The following ANTXR1 variants were observed in gnomAD, a reference collection of about 807,000 sequenced individuals.
The protein encoded by ANTXR1 is ANTXR cell adhesion molecule 1, also known as anthrax toxin receptor 1.
In ANTXR1, 19 loss-of-function variants were observed where a neutral mutation model predicts 78.1. That is an observed-to-expected ratio of 0.24 (90% CI 0.17 to 0.36). The LOEUF (loss-of-function observed/expected upper bound fraction) is 0.36, where lower values mean the gene tolerates loss of function less well. Among genes scored for constraint, ANTXR1 ranks in the 10% least tolerant of loss-of-function variants. The pLI is 1.00. For missense variants in ANTXR1, 518 were observed against 718.6 expected (o/e 0.72, Z 3.19); for synonymous variants, 273 against 260.5 (o/e 1.05, Z -0.46).
chr2:69,050,184 G>C, intron 3 of ANTXR1, among the ~76,000 whole-genome samples: 1 of 152,042 alleles, frequency 6.6e-6, no homozygotes, highest in Non-Finnish European at 1.5e-5. Context: ...TGTGGTCCCA[G>C]CTACTCAGGA....
At chr2:69,213,291 A>G (rs1675092730) in intron 17 of ANTXR1, among the ~76,000 whole-genome samples, 1 of 152,136 alleles carries the variant, frequency 6.6e-6, no homozygotes, top group Non-Finnish European at 1.5e-5. Flanking sequence ...CACTCACTAC[A>G]TGGACCATCT....
intron 3 of ANTXR1, among the ~76,000 whole-genome samples, chr2:69,057,996 C>G (rs1034534378): frequency 6.6e-6 from 1 of 152,144 alleles, no homozygotes; most frequent in Non-Finnish European, 1.5e-5. Flanking sequence ...AAGCCTAATG[C>G]AAAGTAAAGC....
At chr2:69,233,424 A>G (rs1675675975) in intron 17 of ANTXR1, among the ~76,000 whole-genome samples, 2 of 151,868 alleles carry the variant, frequency 1.3e-5, no homozygotes, top group Non-Finnish European at 2.9e-5. Context: ...GATAATTTTT[A>G]TTAGAAAAAA....
At chr2:69,173,944 C>T (rs1212290219) in intron 14 of ANTXR1, among the ~76,000 whole-genome samples, 2 of 152,208 alleles carry the variant, frequency 1.3e-5, no homozygotes, top group Admixed American at 6.5e-5. Flanking sequence ...CTGCCTTGGC[C>T]AGACCTGGGC....
intron 17 of ANTXR1, among the ~76,000 whole-genome samples, chr2:69,213,943 G>T (rs556297745): frequency 6.6e-6 from 1 of 152,388 alleles, no homozygotes; most frequent in South Asian, 2.1e-4. Context: ...ATGGGCCAGT[G>T]TGGGGCATGG....
At chr2:69,123,494 T>C (rs1381918573) in intron 11 of ANTXR1, among the ~76,000 whole-genome samples, 1 of 152,126 alleles carries the variant, frequency 6.6e-6, no homozygotes, top group Non-Finnish European at 1.5e-5. Context: ...CGCTAGATAA[T>C]TGTTATCTCC....
intron 17 of ANTXR1, among the ~76,000 whole-genome samples, chr2:69,239,575 T>G (rs568115295): frequency 6.6e-6 from 1 of 152,212 alleles, no homozygotes; most frequent in Admixed American, 6.5e-5. Context: ...TTGATGGAAT[T>G]ATAGAATATT....
chr2:69,093,480 A>C (rs889114040), intron 9 of ANTXR1, among the ~76,000 whole-genome samples: 5 of 152,262 alleles, frequency 3.3e-5, no homozygotes, highest in African/African-American at 1.2e-4. Flanking sequence ...CAATAAAAAC[A>C]CCACAAAAAC....
chr2:69,184,181 A>C (rs1365208388), intron 16 of ANTXR1, among the ~76,000 whole-genome samples: 3 of 152,238 alleles, frequency 2.0e-5, no homozygotes, highest in Non-Finnish European at 4.4e-5. Flanking sequence ...AATCAAAAGA[A>C]GTACCATTTC....
intron 17 of ANTXR1, among the ~76,000 whole-genome samples, chr2:69,195,566 G>A (rs973887728): frequency 2.6e-5 from 4 of 152,126 alleles, no homozygotes; most frequent in African/African-American, 7.2e-5. Flanking sequence ...ATCACATATG[G>A]AATTTGAGCT....
At chr2:69,095,402 A>G (rs1412912411) in intron 9 of ANTXR1, among the ~76,000 whole-genome samples, 1 of 152,218 alleles carries the variant, frequency 6.6e-6, no homozygotes, top group East Asian at 1.9e-4. Context: ...CAAATAAATT[A>G]CAAAACCACG....
intron 17 of ANTXR1, among the ~76,000 whole-genome samples, chr2:69,216,752 A>G (rs1011262544): frequency 1.3e-5 from 2 of 152,176 alleles, no homozygotes; most frequent in African/African-American, 4.8e-5. Context: ...AAATGTTTGC[A>G]AATCAAAGAA....
At chr2:69,182,225 A>T (rs940122769) in intron 15 of ANTXR1, among the ~76,000 whole-genome samples, 6 of 152,074 alleles carry the variant, frequency 3.9e-5, no homozygotes, top group African/African-American at 1.4e-4. Flanking sequence ...CAAAGTTCGT[A>T]CCTGAACCTG....
chr2:69,103,999 C>CACGATCTCAGCTCACTGCA (rs1671721252), intron 10 of ANTXR1, among the ~76,000 whole-genome samples: 1 of 147,474 alleles, frequency 6.8e-6, no homozygotes, highest in Non-Finnish European at 1.5e-5. Flanking sequence ...AGTACAATGG[C>CACGATCTCAGCTCACTGCA]ACGATCTCAG....
intron 16 of ANTXR1, among the ~76,000 whole-genome samples, chr2:69,187,924 A>G (rs1261329190): frequency 1.3e-5 from 2 of 150,988 alleles, no homozygotes; most frequent in Admixed American, 6.6e-5. Flanking sequence ...GTCAGGTGTC[A>G]GTTTATAGTG....
chr2:69,230,082 G>T (rs932258706), intron 17 of ANTXR1, among the ~76,000 whole-genome samples: 1 of 152,084 alleles, frequency 6.6e-6, no homozygotes, highest in Non-Finnish European at 1.5e-5. Flanking sequence ...CCCTTTGAAA[G>T]GTTTGAATTC....
intron 12 of ANTXR1, among the ~76,000 whole-genome samples, chr2:69,139,307 T>G (rs550017264): frequency 6.6e-6 from 1 of 152,340 alleles, no homozygotes; most frequent in South Asian, 2.1e-4. Flanking sequence ...TAACTCCCTC[T>G]GCTCTGAGCT....
chr2:69,029,098 G>A (rs1018444840), intron 1 of ANTXR1, among the ~76,000 whole-genome samples: 1 of 151,084 alleles, frequency 6.6e-6, no homozygotes, highest in East Asian at 1.9e-4. Flanking sequence ...GCGTGGTGGC[G>A]CGTGCCTGCT....
chr2:69,032,065 A>G (rs1413067160), intron 1 of ANTXR1, among the ~76,000 whole-genome samples: 4 of 152,240 alleles, frequency 2.6e-5, no homozygotes, highest in Non-Finnish European at 5.9e-5. Context: ...GAAAAAGTAG[A>G]AGCAACTCAA....
Sources: gnomAD v4.1 joint callset for allele counts (sites outside exome capture counted in the v4.1 genomes callset) on GRCh38, gnomAD v4.1.1 for gene constraint, MANE v1.5 for transcripts, NCBI Gene and HGNC (gene_info 2026-07-23, HGNC 2026-07-21) for gene names.